The following CTNNA2 variants were observed in gnomAD, a reference collection of about 807,000 sequenced individuals.
CTNNA2 encodes the protein catenin alpha-2.
A neutral mutation model predicts 101.0 loss-of-function variants in CTNNA2; 42 were observed. The observed-to-expected ratio is 0.42, with a 90% confidence interval of 0.32 to 0.54. The LOEUF (loss-of-function observed/expected upper bound fraction) is 0.54, where lower values mean the gene tolerates loss of function less well. Among genes scored for constraint, CTNNA2 ranks in the 20% least tolerant of loss-of-function variants. CTNNA2 has a pLI of 0.14. For synonymous variants in CTNNA2, 450 were observed against 456.4 expected (o/e 0.99, Z 0.18); for missense variants, 871 against 1,223.1 (o/e 0.71, Z 4.29).
At chr2:79,747,295 G>C (rs1315405017) in intron 3 of CTNNA2, among the ~76,000 whole-genome samples, 1 of 152,128 alleles carries the variant, frequency 6.6e-6, no homozygotes, top group Non-Finnish European at 1.5e-5. Flanking sequence ...GCAGATGGAC[G>C]CTTGTTTGTT....
At chr2:80,004,667 TTTTACA>T in intron 7 of CTNNA2, among the ~76,000 whole-genome samples, 1 of 135,702 alleles carries the variant, frequency 7.4e-6, no homozygotes, top group South Asian at 2.5e-4. Flanking sequence ...TTTTATTTTA[TTTTACA>T]TTTATTTATT....
At chr2:79,683,851 A>T (rs954854588) in intron 2 of CTNNA2, among the ~76,000 whole-genome samples, 3 of 152,194 alleles carry the variant, frequency 2.0e-5, no homozygotes, top group Admixed American at 2.0e-4. Context: ...CAAGATTTTA[A>T]AAGCACTTGG....
At chr2:80,494,520 C>A (rs1687295336) in intron 9 of CTNNA2, among the ~76,000 whole-genome samples, 5 of 149,572 alleles carry the variant, frequency 3.3e-5, no homozygotes, top group South Asian at 2.1e-4. Flanking sequence ...TCTCTTAATT[C>A]AAAAAAAATA....
chr2:80,624,529 A>G (rs1671473503), intron 18 of CTNNA2, among the ~76,000 whole-genome samples: 1 of 151,974 alleles, frequency 6.6e-6, no homozygotes, highest in South Asian at 2.1e-4. Context: ...AGACATGAAA[A>G]TGAGCCCTGG....
chr2:79,934,022 G>A (rs968558460), intron 7 of CTNNA2, among the ~76,000 whole-genome samples: 2 of 152,118 alleles, frequency 1.3e-5, no homozygotes, highest in African/African-American at 2.4e-5. Context: ...TATGTTTTAG[G>A]TTCAGGTCGG....
At chr2:79,523,019 C>T (rs529762178) in intron 1 of CTNNA2, among the ~76,000 whole-genome samples, 28 of 152,068 alleles carry the variant, frequency 1.8e-4, no homozygotes, top group Admixed American at 5.2e-4. Flanking sequence ...GTGAGTATAT[C>T]TGAGTTATAT....
intron 1 of CTNNA2, among the ~76,000 whole-genome samples, chr2:79,187,211 A>G (rs1673788472): frequency 6.8e-6 from 1 of 148,104 alleles, no homozygotes; most frequent in Admixed American, 6.7e-5. Context: ...GTATTTTCAT[A>G]TGCTTTTTAT....
intron 4 of CTNNA2, among the ~76,000 whole-genome samples, chr2:79,396,287 T>A (rs998124133): frequency 3.9e-5 from 6 of 151,978 alleles, no homozygotes; most frequent in African/African-American, 1.2e-4. Flanking sequence ...GCCTCCTGAG[T>A]AGCTGGGATT....
At chr2:80,210,185 C>G (rs1707796026) in intron 7 of CTNNA2, among the ~76,000 whole-genome samples, 1 of 152,104 alleles carries the variant, frequency 6.6e-6, no homozygotes, top group East Asian at 1.9e-4. Flanking sequence ...TAAAGCCATC[C>G]TATTACATAC....
chr2:79,253,210 G>C (rs1375688569), intron 2 of CTNNA2, among the ~76,000 whole-genome samples: 1 of 152,176 alleles, frequency 6.6e-6, no homozygotes, highest in Admixed American at 6.6e-5. Flanking sequence ...ATAGAAGACA[G>C]GGAGATGGGA....
intron 6 of CTNNA2, among the ~76,000 whole-genome samples, chr2:79,907,461 G>C (rs1230848874): frequency 6.6e-6 from 1 of 152,110 alleles, no homozygotes; most frequent in Non-Finnish European, 1.5e-5. Flanking sequence ...CCTGGAAAGA[G>C]ACATTGCAGA....
At chr2:80,574,443 A>G in intron 13 of CTNNA2, 129 bp downstream of exon 13, 1 of 1,127,814 alleles carries the variant, frequency 8.9e-7, no homozygotes, top group Non-Finnish European at 1.2e-6. Context: ...GCTCCTTATT[A>G]GTCAGACAAG....
At chr2:80,209,224 A>T (rs113147683) in intron 7 of CTNNA2, among the ~76,000 whole-genome samples, 4,417 of 149,032 alleles carry the variant, frequency 0.03, 237 homozygotes, top group African/African-American at 0.1. Flanking sequence ...TTTTCTGAGA[A>T]GGAGTCTTGC....
At chr2:80,053,321 G>A (rs981441653) in intron 7 of CTNNA2, among the ~76,000 whole-genome samples, 7 of 152,128 alleles carry the variant, frequency 4.6e-5, no homozygotes, top group African/African-American at 1.7e-4. Context: ...AGATGGTTGT[G>A]TACATGCATG....
intron 18 of CTNNA2, among the ~76,000 whole-genome samples, chr2:80,630,733 T>C (rs1672202424): frequency 1.3e-5 from 2 of 152,300 alleles, no homozygotes; most frequent in South Asian, 4.1e-4. Flanking sequence ...ACTAAAGTGA[T>C]AGTTAAAATA....
At chr2:79,980,582 A>C (rs1350309887) in intron 7 of CTNNA2, among the ~76,000 whole-genome samples, 2 of 152,172 alleles carry the variant, frequency 1.3e-5, no homozygotes, top group African/African-American at 4.8e-5. Flanking sequence ...TTATATGGAT[A>C]TTTATAAACC....
chr2:79,997,351 G>A (rs1692626365), intron 7 of CTNNA2, among the ~76,000 whole-genome samples: 1 of 146,666 alleles, frequency 6.8e-6, no homozygotes, highest in Non-Finnish European at 1.5e-5. Flanking sequence ...GAAAAGAAAA[G>A]GAAGGAAAAG....
At chr2:80,627,566 T>A (rs190140962) in intron 18 of CTNNA2, among the ~76,000 whole-genome samples, 1 of 152,260 alleles carries the variant, frequency 6.6e-6, no homozygotes, top group East Asian at 1.9e-4. Context: ...ATGGTTTTTT[T>A]CTTCTTGTAA....
intron 7 of CTNNA2, among the ~76,000 whole-genome samples, chr2:80,180,927 G>A (rs1477534421): frequency 6.6e-6 from 1 of 152,142 alleles, no homozygotes; most frequent in Non-Finnish European, 1.5e-5. Flanking sequence ...ATTAAATGCA[G>A]AATCCCTGCT....
Sources: allele counts gnomAD v4.1 joint callset (sites outside exome capture counted in the v4.1 genomes callset), GRCh38; gene constraint gnomAD v4.1.1; transcripts MANE v1.5; gene names NCBI Gene and HGNC (gene_info 2026-07-23, HGNC 2026-07-21).